Variants in PPAT observed in about 807,000 individuals in gnomAD.
PPAT encodes the protein amidophosphoribosyltransferase.
A neutral mutation model predicts 60.2 loss-of-function variants in PPAT; 20 were observed. The ratio of observed to expected loss-of-function variants is 0.33; its 90% CI spans 0.23 to 0.48. The LOEUF (loss-of-function observed/expected upper bound fraction) is 0.48, where lower values mean the gene tolerates loss of function less well. Ranked by LOEUF, PPAT falls within the 20% of genes least tolerant of loss-of-function variation. PPAT has a pLI of 0.99. For synonymous variants in PPAT, 194 were observed against 215.1 expected (o/e 0.90, Z 0.86); for missense variants, 349 against 629.6 (o/e 0.55, Z 4.77).
At chr4:56,432,198 G>A (rs1441286221) in intron 1 of PPAT, among the ~76,000 whole-genome samples, 2 of 152,088 alleles carry the variant, frequency 1.3e-5, no homozygotes, top group Non-Finnish European at 2.9e-5. Flanking sequence ...CAAAACAAAA[G>A]TGATAGAAAT....
intron 1 of PPAT, among the ~76,000 whole-genome samples, chr4:56,412,029 G>A (rs1283826570): frequency 3.3e-5 from 5 of 152,024 alleles, no homozygotes; most frequent in Admixed American, 1.3e-4. Flanking sequence ...AAACACCTTC[G>A]ACTCTTCATT....
At chr4:56,402,267 GT>G in intron 5 of PPAT, 86 bp from the exon 6 acceptor site, 1 of 979,290 alleles carries the variant, frequency 1.0e-6, no homozygotes, top group Non-Finnish European at 1.5e-6. Context: ...AAATAAATAA[GT>G]AAATAAAACT....
intron 1 of PPAT, among the ~76,000 whole-genome samples, chr4:56,426,770 T>C (rs1288169394): frequency 6.6e-6 from 1 of 152,202 alleles, no homozygotes; most frequent in Non-Finnish European, 1.5e-5. Flanking sequence ...TGGTAAAATA[T>C]ACATAAAATA....
chr4:56,433,064 C>G lies in PPAT; in HGVS notation c.128+2286G>C, dbSNP rs138956926. On this transcript the variant is annotated intron_variant, in intron 1 of 10. Transcript: ENST00000264220. ...TAGTTTTATTCTGGCCCTTATCTAT[C>G]AGTTTCGAGCAGCAGATAATTGTAT... Among the ~76,000 whole-genome samples the G allele has an allele frequency of 1.6e-3, 245 of 151,272 alleles. 1 individual carries two copies. The highest frequency in any genetic ancestry group is 2.7e-3 in the Non-Finnish European group (180 of 67,858).
At chr4:56,415,637 C>T (rs1191206411) in intron 1 of PPAT, among the ~76,000 whole-genome samples, 1 of 152,106 alleles carries the variant, frequency 6.6e-6, no homozygotes, top group East Asian at 1.9e-4. Flanking sequence ...AAACTCTAAG[C>T]TATTTGATCA....
chr4:56,430,497 TA>T (rs1434433521), intron 1 of PPAT, among the ~76,000 whole-genome samples: 3 of 152,142 alleles, frequency 2.0e-5, no homozygotes, highest in African/African-American at 7.2e-5. Context: ...AGTGCCTTAG[TA>T]ATATACTTAG....
At chr4:56,423,291 T>C (rs963923173) in intron 1 of PPAT, 1 of 152,214 alleles carries the variant, frequency 6.6e-6, no homozygotes, top group African/African-American at 2.4e-5. Flanking sequence ...TAGGTTTCCA[T>C]AGGCATCACA....
intron 1 of PPAT, among the ~76,000 whole-genome samples, chr4:56,427,546 C>T (rs1386521090): frequency 6.6e-6 from 1 of 151,956 alleles, no homozygotes; most frequent in Non-Finnish European, 1.5e-5. Flanking sequence ...GTGGTAGGCA[C>T]CTGTAGTGCC....
intron 7 of PPAT, 47 bp from the exon 8 acceptor site, chr4:56,400,958 A>T (rs2271925): frequency 0.13 from 199,950 of 1,548,814 alleles, 14,177 homozygotes; most frequent in Admixed American, 0.28. Context: ...TTAGCATGAT[A>T]TAACAGTGTT....
At chr4:56,435,101 G>A (rs1012242623) in intron 1 of PPAT, among the ~76,000 whole-genome samples, 1 of 152,206 alleles carries the variant, frequency 6.6e-6, no homozygotes, top group Non-Finnish European at 1.5e-5. Context: ...ACACCGGGGG[G>A]CGGGGAGGGA....
intron 4 of PPAT, 40 bp from the exon 5 acceptor site, chr4:56,403,225 T>C (rs767442318): frequency 1.9e-6 from 3 of 1,600,478 alleles, no homozygotes; most frequent in Non-Finnish European, 2.6e-6. Flanking sequence ...ACTTCAGTTA[T>C]AAACATATGC....
intron 1 of PPAT, chr4:56,431,548 G>C: frequency 1.0e-6 from 1 of 977,906 alleles, no homozygotes; most frequent in Non-Finnish European, 1.2e-6. Context: ...AACTTCATCA[G>C]GTAAATCTTA....
intron 5 of PPAT, 84 bp downstream of exon 5, chr4:56,402,956 A>G: frequency 7.6e-7 from 1 of 1,310,330 alleles, no homozygotes; most frequent in Non-Finnish European, 1.0e-6. Context: ...TCAACTTTCT[A>G]TACCTAAAGA....
intron 1 of PPAT, among the ~76,000 whole-genome samples, chr4:56,418,470 C>G (rs949387392): frequency 1.3e-5 from 2 of 152,232 alleles, no homozygotes; most frequent in South Asian, 2.1e-4. Context: ...CAGGCACATG[C>G]CACCAAGCCT....
intron 1 of PPAT, among the ~76,000 whole-genome samples, chr4:56,427,430 C>T (rs1717347638): frequency 6.6e-6 from 1 of 152,118 alleles, no homozygotes; most frequent in African/African-American, 2.4e-5. Context: ...TACCTGTTTT[C>T]CACCATGACT....
chr4:56,422,249 G>A (rs1360300789), intron 1 of PPAT: 2 of 152,276 alleles, frequency 1.3e-5, no homozygotes, highest in East Asian at 3.9e-4. Flanking sequence ...ACCACAGCCT[G>A]AGCAACAGAG....
At chr4:56,420,582 G>A (rs897929717) in intron 1 of PPAT, 1 of 152,116 alleles carries the variant, frequency 6.6e-6, no homozygotes, top group African/African-American at 2.4e-5. Context: ...TATACAAAAA[G>A]GAGGAAATAA....
rs759073359 is a variant in PPAT at position 56,403,152 on chromosome 4, T to A, written c.549A>T (p.Ala183=). The A allele has an allele frequency of 5.0e-5, 81 of 1,609,084 alleles. No individual in the cohort carries two copies. Among genetic ancestry groups the A allele is most frequent in the Non-Finnish European group, 6.8e-5 (80 of 1,177,050 alleles). The change falls in exon 5 of 11, where the codon GCA becomes GCT. Residue 183 remains alanine (A), a synonymous_variant. Transcript: ENST00000264220. ...IKNLMKEAPT[A]YSLLIMHRDV... is the part of the protein sequence containing the mutation. ...CTCTGTGCATTATAAGCAGGGAGTA[T>A]GCTGTGGGTGCTTCCTTCATCAAGT... is the stretch of plus-strand genomic sequence containing the variant.
At chr4:56,405,488 C>G (rs948434296) in intron 3 of PPAT, among the ~76,000 whole-genome samples, 1 of 152,232 alleles carries the variant, frequency 6.6e-6, no homozygotes, top group Non-Finnish European at 1.5e-5. Flanking sequence ...GGGAATCAAC[C>G]AGAGGGTTGG....
Sources: gnomAD v4.1 joint callset for allele counts (sites outside exome capture counted in the v4.1 genomes callset) on GRCh38, gnomAD v4.1.1 for gene constraint, MANE v1.5 for transcripts, NCBI Gene and HGNC (gene_info 2026-07-23, HGNC 2026-07-21) for gene names.